PTPRN2: variants seen among roughly 807,000 people sequenced by gnomAD.
PTPRN2 encodes protein tyrosine phosphatase receptor type N2, also known as receptor-type tyrosine-protein phosphatase N2.
Under a neutral mutation model 118.8 loss-of-function variants are expected in PTPRN2, and 74 were observed. The observed-to-expected ratio is 0.62, with a 90% CI of 0.52 to 0.76. The LOEUF is 0.76. Among genes scored for constraint, PTPRN2 ranks in the 30% least tolerant of loss-of-function variants. PTPRN2 has a pLI of 0.00. For missense variants in PTPRN2, 1,481 were observed against 1,394.4 expected, an observed-to-expected ratio of 1.06 and a Z score of -0.99; for synonymous variants, 641 against 608.0, an observed-to-expected ratio of 1.05 and a Z score of -0.80.
At chr7:158,406,580 A>C (rs569046036) in intron 2 of PTPRN2, among the ~76,000 whole-genome samples, 1 of 152,366 alleles carries the variant, frequency 6.6e-6, no homozygotes, top group African/African-American at 2.4e-5. Flanking sequence ...TCCCCAGGGC[A>C]GGTGCCGCTC....
intron 11 of PTPRN2, among the ~76,000 whole-genome samples, chr7:158,025,130 C>T (rs748226934): frequency 3.3e-4 from 50 of 152,066 alleles, no homozygotes; most frequent in Non-Finnish European, 6.3e-4. Flanking sequence ...AAGGACTTGA[C>T]CTTTGAGTCT....
At chr7:158,201,093 C>G (rs1228453896) in intron 4 of PTPRN2, among the ~76,000 whole-genome samples, 1 of 151,224 alleles carries the variant, frequency 6.6e-6, no homozygotes, top group Non-Finnish European at 1.5e-5. Context: ...ACTCTCTCTC[C>G]CAGGCTAGAG....
intron 6 of PTPRN2, among the ~76,000 whole-genome samples, chr7:158,149,803 CA>C (rs33958927): frequency 0.11 from 13,890 of 121,564 alleles, 799 homozygotes; most frequent in African/African-American, 0.22. Flanking sequence ...GAGTCCATCT[CA>C]AAAAAAAAAA....
intron 14 of PTPRN2, among the ~76,000 whole-genome samples, chr7:157,653,908 G>A (rs1417425906): frequency 3.9e-5 from 4 of 102,614 alleles, no homozygotes; most frequent in Non-Finnish European, 7.6e-5. Flanking sequence ...TCCACATGAC[G>A]CCCGTCTCTC....
intron 11 of PTPRN2, among the ~76,000 whole-genome samples, chr7:157,940,452 ACACTGCAAATCTAATGCCCTCTCCTGTG>A (rs1799980159): frequency 6.6e-6 from 1 of 151,934 alleles, no homozygotes; most frequent in East Asian, 1.9e-4. Context: ...CTCCCCTGTG[ACACTGCAAATCTAATGCCCTCTCCTGTG>A]ACACTGCAAA....
At chr7:158,150,096 G>C (rs1019701100) in intron 6 of PTPRN2, among the ~76,000 whole-genome samples, 1 of 152,186 alleles carries the variant, frequency 6.6e-6, no homozygotes, top group East Asian at 1.9e-4. Context: ...TGGGGCAGAA[G>C]GCTGCCGTGG....
chr7:157,986,447 C>T lies in PTPRN2; in HGVS notation c.1724-87710G>A, dbSNP rs1803797923. Among the ~76,000 whole-genome samples the T allele has an allele frequency of 6.6e-6, 1 of 152,082 alleles. No homozygotes were observed. Among genetic ancestry groups the T allele is most frequent in the Admixed American group, 6.6e-5 (1 of 15,264 alleles). ...CGTGTGTGGTCACCGTGGTCAGTGGCAGAGGTGGGGCTGGAGGTCAGAACT... is the reference window on the plus strand; with the variant it reads ...CGTGTGTGGTCACCGTGGTCAGTGGTAGAGGTGGGGCTGGAGGTCAGAACT... On this transcript the variant is annotated intron_variant, in intron 11 of 22. Coordinates refer to ENST00000389418, the MANE Select transcript of PTPRN2 (RefSeq NM_002847.5). The surrounding 1 kb of genome is among the most constrained non-coding windows in gnomAD (Gnocchi z 4.5).
chr7:157,765,930 CCATCCATCCACCCTT>C (rs1802445609), intron 12 of PTPRN2, among the ~76,000 whole-genome samples: 1 of 143,404 alleles, frequency 7.0e-6, no homozygotes, highest in Non-Finnish European at 1.5e-5. Flanking sequence ...CATTCTTCCT[CCATCCATCCACCCTT>C]CACCCATCCA....
intron 2 of PTPRN2, among the ~76,000 whole-genome samples, chr7:158,370,585 T>C (rs528448381): frequency 1.1e-4 from 16 of 152,152 alleles, no homozygotes; most frequent in African/African-American, 3.9e-4. Context: ...ACCCCGTCTC[T>C]ACTAAAAATA....
At position 157,656,557 on chromosome 7, in the gene PTPRN2, G is replaced by A. The variant is rs1806109037; in HGVS notation, c.2002-6C>T. On this transcript the variant is annotated splice_region_variant and splice_polypyrimidine_tract_variant and intron_variant, in intron 13 of 22. Transcript: ENST00000389418. Reference sequence around the variant, plus strand: ...ATACGCTGGCGGCACAGCTCCTGCAGGACAGGGGGAGGAAGAGCAGGGGGT... The same window carrying A: ...ATACGCTGGCGGCACAGCTCCTGCAAGACAGGGGGAGGAAGAGCAGGGGGT... The A allele has an allele frequency of 1.2e-5, 18 of 1,532,632 alleles. No individual in the cohort carries two copies. The highest frequency in any genetic ancestry group is 1.5e-5 in the Non-Finnish European group (17 of 1,143,402). The allele number at this position is 1,532,632 out of a possible 1,614,324, so 94.9% of individuals were successfully genotyped here.
At chr7:158,284,792 C>T (rs2335477) in intron 3 of PTPRN2, among the ~76,000 whole-genome samples, 37,080 of 152,154 alleles carry the variant, frequency 0.24, 5,107 homozygotes, top group East Asian at 0.41. Flanking sequence ...TGTACTATCA[C>T]CAATAATTTT....
chr7:158,140,930 T>C (rs1819322920), intron 6 of PTPRN2, among the ~76,000 whole-genome samples: 1 of 152,174 alleles, frequency 6.6e-6, no homozygotes, highest in Non-Finnish European at 1.5e-5. Flanking sequence ...CTCATAAAGG[T>C]TTATGTAAAA....
rs1404018930 is a variant in PTPRN2, at chr7:158,570,023, G to A, written c.112+17535C>T. The stretch of plus-strand genomic sequence containing the variant: ...CAGAGCCCACGCGCCAAGGCCGCCA[G>A]GCCTTTCCTCCCTCGCGTTCCCTCA... On this transcript the variant is annotated intron_variant, in intron 1 of 22. Transcript: ENST00000389418. This position sits in a 1 kb window ranked among gnomAD's most constrained non-coding sequence, Gnocchi z 4.5. Among the ~76,000 whole-genome samples, 1 of 152,172 alleles carries A rather than the reference G, an allele frequency of 6.6e-6. No individual in the cohort carries two copies. The highest frequency in any genetic ancestry group is 1.5e-5 in the Non-Finnish European group (1 of 68,012).
intron 11 of PTPRN2, among the ~76,000 whole-genome samples, chr7:157,901,944 G>T (rs1797483060): frequency 6.6e-6 from 1 of 150,724 alleles, no homozygotes; most frequent in Non-Finnish European, 1.5e-5. Context: ...TGTTTCCTGG[G>T]TCCTGAGGCG....
intron 2 of PTPRN2, among the ~76,000 whole-genome samples, chr7:158,346,006 G>T (rs1420950711): frequency 2.0e-5 from 3 of 152,166 alleles, no homozygotes; most frequent in African/African-American, 7.2e-5. Context: ...CAACGCTGGG[G>T]ATTACAACTC....
At chr7:157,586,574 C>T (rs1286953305) in intron 17 of PTPRN2, among the ~76,000 whole-genome samples, 2 of 152,220 alleles carry the variant, frequency 1.3e-5, no homozygotes, top group Non-Finnish European at 2.9e-5. Context: ...CGGGTCTGTC[C>T]TGGAGACTCA....
intron 3 of PTPRN2, among the ~76,000 whole-genome samples, chr7:158,274,062 GCACAGGGGGAGCCGCAGA>G (rs1798755335): frequency 7.9e-6 from 1 of 126,148 alleles, no homozygotes; most frequent in Admixed American, 8.2e-5. Flanking sequence ...GGAGCCGCAG[GCACAGGGGGAGCCGCAGA>G]CACAGGGGGA....
In PTPRN2 at chr7:157,935,853, C is replaced by T. The variant is rs185586787; in HGVS notation, c.1724-37116G>A. ...AGGGGGGTCTAGCCATCCTCAGCAT[C>T]TGTGTCGCTCCCTCAGGGGGGTCTA... On this transcript the variant is annotated intron_variant, in intron 11 of 22. Coordinates refer to ENST00000389418, the MANE Select transcript of PTPRN2 (RefSeq NM_002847.5). Among the ~76,000 whole-genome samples, 591 of 148,072 alleles carry T rather than the reference C, an allele frequency of 4.0e-3. 2 individuals carry two copies. The highest frequency in any genetic ancestry group is 0.014 in the African/African-American group (565 of 40,072).
rs990672731 is a variant in PTPRN2, at chr7:157,611,158, T to C, written c.2345-7083A>G. 1.2e-4 allele frequency among the ~76,000 whole-genome samples: 18 copies of C among 152,154 alleles called. No individual in the cohort carries two copies. Among genetic ancestry groups the C allele is most frequent in the African/African-American group, 4.1e-4 (17 of 41,430 alleles). On this transcript the variant is annotated intron_variant, in intron 15 of 22. Coordinates refer to ENST00000389418, the MANE Select transcript of PTPRN2 (RefSeq NM_002847.5). The surrounding 1 kb of genome is among the most constrained non-coding windows in gnomAD (Gnocchi z 5.9). ...CCAGAGGAGCAACAGTGGCCCCAAA[T>C]GGCATGGTCACAAGGCTGGTTTAGT...
Sources: allele counts gnomAD v4.1 joint callset (sites outside exome capture counted in the v4.1 genomes callset), GRCh38; gene constraint gnomAD v4.1.1; non-coding constraint Gnocchi (gnomAD v3.1); transcripts MANE v1.5; gene names NCBI Gene and HGNC (gene_info 2026-07-23, HGNC 2026-07-21).